Variants in KCNQ1 observed in about 807,000 individuals in gnomAD.
KCNQ1 encodes potassium voltage-gated channel subfamily KQT member 1.
KCNQ1 carries 49 observed loss-of-function variants against 72.4 expected under a neutral mutation model. That is an observed-to-expected ratio of 0.68 (90% CI 0.54 to 0.86). The LOEUF is 0.86. Among genes scored for constraint, KCNQ1 ranks in the 40% least tolerant of loss-of-function variants. The probability of loss-of-function intolerance (pLI) is 0.00; values close to 1 mark genes in which losing one functional copy is unlikely to be tolerated. For missense variants in KCNQ1, 790 were observed against 945.1 expected (o/e 0.84, Z 2.15); for synonymous variants, 450 against 412.6 (o/e 1.09, Z -1.10).
At chr11:2,596,784 G>T (rs1330123983) in intron 10 of KCNQ1, among the ~76,000 whole-genome samples, 1 of 151,730 alleles carries the variant, frequency 6.6e-6, no homozygotes, top group East Asian at 1.9e-4. Context: ...TCATGGCGAT[G>T]GTTTCATCAT....
At position 2,813,399 on chromosome 11, in the gene KCNQ1, T is replaced by C. The variant is rs1350639717; in HGVS notation, c.1795-34368T>C. ...AGGGGTGGAGACCTGCACCTCTTTT[T>C]CACCCCCAAACCCGCCTGCCCGTCA... On this transcript the variant is annotated intron_variant, in intron 15 of 15. Coordinates refer to ENST00000155840, the MANE Select transcript of KCNQ1 (RefSeq NM_000218.3). The surrounding 1 kb of genome is among the most constrained non-coding windows in gnomAD (Gnocchi z 4.4). 1.2e-5 allele frequency among the ~76,000 whole-genome samples: 1 copy of C among 85,868 alleles called. No homozygotes were observed. Among genetic ancestry groups the C allele is most frequent in the East Asian group, 4.8e-4 (1 of 2,062 alleles). 56.3% of individuals were successfully genotyped at this position (85,868 alleles called of 152,430 possible). A position where few individuals can be genotyped will look rare whatever the true frequency, so the allele number is the denominator to read the frequency against.
rs1846292067 is a variant in KCNQ1 at position 2,462,413 on chromosome 11, C to T, written c.386+16929C>T. The stretch of plus-strand genomic sequence containing the variant: ...TGAGCTTGACACCTGCCTGGGGGCT[C>T]CCGGCGAAGGCCGCTGGTTTCTAGA... On this transcript the variant is annotated intron_variant, in intron 1 of 15. Transcript: ENST00000155840. The surrounding 1 kb of genome is among the most constrained non-coding windows in gnomAD (Gnocchi z 8.2). Among the ~76,000 whole-genome samples, 1 of 152,172 alleles carries T rather than the reference C, an allele frequency of 6.6e-6. No individual in the cohort carries two copies. The highest frequency in any genetic ancestry group is 6.5e-5 in the Admixed American group (1 of 15,278).
chr11:2,511,736 T>C (rs1319069207), intron 1 of KCNQ1, among the ~76,000 whole-genome samples: 1 of 152,172 alleles, frequency 6.6e-6, no homozygotes, highest in Non-Finnish European at 1.5e-5. Context: ...GACTCCTGGA[T>C]TTGGTGAAAG....
chr11:2,755,506 C>A (rs1846285052), intron 11 of KCNQ1, among the ~76,000 whole-genome samples: 1 of 152,222 alleles, frequency 6.6e-6, no homozygotes, highest in African/African-American at 2.4e-5. Flanking sequence ...TCCCACCTCA[C>A]CCTTGGCCTT....
intron 15 of KCNQ1, among the ~76,000 whole-genome samples, chr11:2,841,951 G>A (rs1171844043): frequency 6.6e-6 from 1 of 152,230 alleles, no homozygotes; most frequent in African/African-American, 2.4e-5. Flanking sequence ...GCAGCCCCAG[G>A]AAGGGTGTTG....
At position 2,720,701 on chromosome 11, in the gene KCNQ1, T is replaced by G. The variant is rs1851187911; in HGVS notation, c.1515-48143T>G. On this transcript the variant is annotated intron_variant, in intron 11 of 15. Transcript: ENST00000155840. This position sits in a 1 kb window ranked among gnomAD's most constrained non-coding sequence, Gnocchi z 5.1. The stretch of plus-strand genomic sequence containing the variant: ...TTAGCCACCACCAGCCCCTTCCCCC[T>G]TTTGCAGGGCGGCTCCCAGAACCTA... Among the ~76,000 whole-genome samples, 1 of 152,132 alleles carries G rather than the reference T, an allele frequency of 6.6e-6. No homozygotes were observed. Among genetic ancestry groups the G allele is most frequent in the Non-Finnish European group, 1.5e-5 (1 of 68,006 alleles).
intron 15 of KCNQ1, among the ~76,000 whole-genome samples, chr11:2,845,096 C>G (rs1564915203): frequency 6.6e-6 from 1 of 152,218 alleles, no homozygotes; most frequent in Non-Finnish European, 1.5e-5. Flanking sequence ...CCCTACCAGG[C>G]ATGAGCAGGT....
intron 1 of KCNQ1, among the ~76,000 whole-genome samples, chr11:2,453,538 A>C (rs1316710955): frequency 2.0e-5 from 3 of 152,254 alleles, no homozygotes; most frequent in African/African-American, 7.2e-5. Flanking sequence ...ACAGTGACCC[A>C]CAGGGGGACC....
At chr11:2,775,898 A>T (rs1358385991) in intron 12 of KCNQ1, 62 bp from the exon 13 acceptor site, 1 of 1,496,758 alleles carries the variant, frequency 6.7e-7, no homozygotes, top group African/African-American at 1.4e-5. Flanking sequence ...CACTGCCTGC[A>T]CTTTGAGCCA....
rs1190014550 is a variant in KCNQ1, at chr11:2,600,763, GT to G, written c.1393+11912del. On this transcript the variant is annotated intron_variant, in intron 10 of 15. Coordinates refer to ENST00000155840, the MANE Select transcript of KCNQ1 (RefSeq NM_000218.3). The surrounding 1 kb of genome is among the most constrained non-coding windows in gnomAD (Gnocchi z 5.6). ...CCTTTAGATGTGTCTCTTCAGTCTT[GT>G]TTAATCTGGAACATTTCTAGTCTCT... 2.0e-5 allele frequency among the ~76,000 whole-genome samples: 3 copies of G among 152,024 alleles called. No homozygotes were observed. The highest frequency in any genetic ancestry group is 7.3e-5 in the African/African-American group (3 of 41,366).
chr11:2,727,437 C>A (rs887856421), intron 11 of KCNQ1, among the ~76,000 whole-genome samples: 2 of 152,182 alleles, frequency 1.3e-5, no homozygotes, highest in African/African-American at 4.8e-5. Context: ...AGGCCTTGTG[C>A]AGGAACATGG....
At chr11:2,575,368 C>A (rs1440469727) in intron 6 of KCNQ1, among the ~76,000 whole-genome samples, 3 of 152,084 alleles carry the variant, frequency 2.0e-5, no homozygotes, top group African/African-American at 7.2e-5. Context: ...TCGCCCTGGG[C>A]CCCCCACCGC....
At position 2,508,743 on chromosome 11, in the gene KCNQ1, A is replaced by G. The variant is rs1163992303; in HGVS notation, c.387-19185A>G. On this transcript the variant is annotated intron_variant, in intron 1 of 15. Transcript: ENST00000155840. The surrounding 1 kb of genome is among the most constrained non-coding windows in gnomAD (Gnocchi z 6.2). ...CCTCTATAGAAACTCCCCGAATGGG[A>G]GGGATGGGAAAGACTGTTGAACTAA... Among the ~76,000 whole-genome samples the G allele has an allele frequency of 1.3e-5, 2 of 152,148 alleles. No individual in the cohort carries two copies. The highest frequency in any genetic ancestry group is 2.9e-5 in the Non-Finnish European group (2 of 68,012).
chr11:2,535,472 G>A (rs1847713974), intron 2 of KCNQ1, among the ~76,000 whole-genome samples: 1 of 152,224 alleles, frequency 6.6e-6, no homozygotes, highest in Non-Finnish European at 1.5e-5. Flanking sequence ...GAAGTGACTT[G>A]GCCGGCTCTC....
rs899546675 is a variant in KCNQ1 at position 2,809,432 on chromosome 11, GGTT to G, written c.1794+31402_1794+31404del. 1.2e-4 allele frequency among the ~76,000 whole-genome samples: 18 copies of G among 152,146 alleles called. No homozygotes were observed. The highest frequency in any genetic ancestry group is 3.9e-4 in the African/African-American group (16 of 41,424). ...CTGGTGCAGCACGTGTTCATTTATG[GGTT>G]GTTGTTACCGTGGCATTGGTCCAGG... On this transcript the variant is annotated intron_variant, in intron 15 of 15. Coordinates refer to ENST00000155840, the MANE Select transcript of KCNQ1 (RefSeq NM_000218.3). The surrounding 1 kb of genome is among the most constrained non-coding windows in gnomAD (Gnocchi z 7.1).
rs146483536 is a variant in KCNQ1 at position 2,764,169 on chromosome 11, G to A, written c.1515-4675G>A. ...ACTATTAAGTATGATGTCTGCTTAG[G>A]GTTTGGGTTTTTTTGTTTTAGTTTT... On this transcript the variant is annotated intron_variant, in intron 11 of 15. Coordinates refer to ENST00000155840, the MANE Select transcript of KCNQ1 (RefSeq NM_000218.3). This position sits in a 1 kb window ranked among gnomAD's most constrained non-coding sequence, Gnocchi z 4.8. 4.6e-5 allele frequency among the ~76,000 whole-genome samples: 7 copies of A among 151,396 alleles called. No individual in the cohort carries two copies. The highest frequency in any genetic ancestry group is 1.5e-4 in the African/African-American group (6 of 41,298).
In KCNQ1 at chr11:2,568,368, G is replaced by T. The variant is rs551558629; in HGVS notation, c.478-2260G>T. On this transcript the variant is annotated intron_variant, in intron 2 of 15. Transcript: ENST00000155840. ...CTGCTGGGTGGTGGATGGGTCAGCA[G>T]AGCTGGGCTGGGAGCCGCTATGCCT... Among the ~76,000 whole-genome samples the T allele has an allele frequency of 5.6e-4, 86 of 152,360 alleles. 1 individual carries two copies. Among genetic ancestry groups the T allele is most frequent in the African/African-American group, 2.0e-3 (82 of 41,592 alleles).
At chr11:2,743,030 C>T (rs151156984) in intron 11 of KCNQ1, among the ~76,000 whole-genome samples, 11 of 152,330 alleles carry the variant, frequency 7.2e-5, no homozygotes, top group African/African-American at 1.2e-4. Flanking sequence ...TGAACCCACT[C>T]GTGAATTTTT....
intron 11 of KCNQ1, among the ~76,000 whole-genome samples, chr11:2,727,778 C>T (rs1013533665): frequency 7.9e-5 from 12 of 152,136 alleles, no homozygotes; most frequent in South Asian, 6.2e-4. Context: ...GATTCCACAA[C>T]GGTGTCGATG....
Sources: allele counts gnomAD v4.1 joint callset (sites outside exome capture counted in the v4.1 genomes callset), GRCh38; gene constraint gnomAD v4.1.1; non-coding constraint Gnocchi (gnomAD v3.1); transcripts MANE v1.5; gene names NCBI Gene and HGNC (gene_info 2026-07-23, HGNC 2026-07-21).